The following COL4A6 variants were observed in gnomAD, a reference collection of about 807,000 sequenced individuals.
The protein encoded by COL4A6 is collagen alpha-6(IV) chain.
In COL4A6, 59 loss-of-function variants were observed where a neutral mutation model predicts 126.7. The observed-to-expected ratio is 0.47, with a 90% CI of 0.38 to 0.58. The LOEUF is 0.58. Among genes scored for constraint, COL4A6 ranks in the 20% least tolerant of loss-of-function variants. The pLI is 0.00. For missense variants in COL4A6, 1,285 were observed against 1,337.3 expected (o/e 0.96, Z 0.61); for synonymous variants, 547 against 496.6 (o/e 1.10, Z -1.35).
intron 3 of COL4A6, among the ~76,000 whole-genome samples, chrX:108,287,732 T>C (rs1307830651): frequency 5.4e-5 from 6 of 111,665 alleles, no homozygotes; most frequent in African/African-American, 1.6e-4. Context: ...ACTCCAAATA[T>C]CTCCGGAGTT....
chrX:108,262,281 C>A (rs1459007315), intron 3 of COL4A6, among the ~76,000 whole-genome samples: 1 of 111,408 alleles, frequency 9.0e-6, no homozygotes, highest in East Asian at 2.8e-4. Flanking sequence ...CCCTAGTTCA[C>A]TGTCCTCCCA....
rs751136731 is a variant in COL4A6 at position 108,183,017 on chromosome X, A to G, written c.1952-2049T>C. Among the ~76,000 whole-genome samples the G allele has an allele frequency of 2.3e-3, 262 of 112,363 alleles. 1 individual carries two copies. Among genetic ancestry groups the G allele is most frequent in the Non-Finnish European group, 2.4e-3 (129 of 53,276 alleles). On this transcript the variant is annotated intron_variant, in intron 23 of 44. Transcript: ENST00000334504. ...TTAGAAACCAGAGGAAATCAACGAC[A>G]TATTTCTCTCAATAATTTTGTCTTA...
chrX:108,193,822 G>C, intron 16 of COL4A6, 125 bp from the exon 17 acceptor site: 1 of 510,697 alleles, frequency 2.0e-6, no homozygotes, highest in Non-Finnish European at 3.3e-6. Flanking sequence ...AGATTTTCAA[G>C]ATCAACTAGT....
intron 3 of COL4A6, among the ~76,000 whole-genome samples, chrX:108,248,351 T>C (rs1490622398): frequency 9.0e-6 from 1 of 111,504 alleles, no homozygotes; most frequent in Non-Finnish European, 1.9e-5. Flanking sequence ...CACTCTGTGG[T>C]CTGAAGCTAT....
At position 108,423,792 on chromosome X, in the gene COL4A6, C is replaced by G. The variant is rs1241855767; in HGVS notation, c.63+14150G>C. ...ATATATCTAACATAGATATACTTACCAAGAGTCTACAATCTATCTTTTTAT... is the reference window on the plus strand; with the variant it reads ...ATATATCTAACATAGATATACTTACGAAGAGTCTACAATCTATCTTTTTAT... On this transcript the variant is annotated intron_variant, in intron 2 of 44. Transcript: ENST00000334504. 3.6e-5 allele frequency among the ~76,000 whole-genome samples: 4 copies of G among 111,339 alleles called. No homozygotes were observed. The Admixed American group carries it at 3.8e-4, about 11-fold the overall frequency.
At chrX:108,357,331 C>G (rs2039983056) in intron 2 of COL4A6, among the ~76,000 whole-genome samples, 1 of 111,467 alleles carries the variant, frequency 9.0e-6, no homozygotes, top group Non-Finnish European at 1.9e-5. Context: ...TCTCTGCTTA[C>G]TATTTCACAG....
intron 2 of COL4A6, among the ~76,000 whole-genome samples, chrX:108,371,759 T>C (rs763768516): frequency 1.1e-5 from 1 of 91,449 alleles, no homozygotes; most frequent in Non-Finnish European, 2.1e-5. Context: ...CCTTTCTCAA[T>C]AAACAAACAA....
At chrX:108,434,498 T>G (rs971610018) in intron 2 of COL4A6, among the ~76,000 whole-genome samples, 1 of 110,483 alleles carries the variant, frequency 9.1e-6, no homozygotes, top group African/African-American at 3.3e-5. Flanking sequence ...ATAAAATACA[T>G]AGGATTACAA....
At chrX:108,183,635 C>T (rs1262331820) in intron 23 of COL4A6, 2 of 639,092 alleles carry the variant, frequency 3.1e-6, no homozygotes, top group East Asian at 4.4e-5. Flanking sequence ...CTCAGGCCAT[C>T]GTGACTGTCT....
At chrX:108,274,996 A>C (rs915598815) in intron 3 of COL4A6, among the ~76,000 whole-genome samples, 1 of 111,196 alleles carries the variant, frequency 9.0e-6, no homozygotes, top group Non-Finnish European at 1.9e-5. Flanking sequence ...CGGGGGTGGG[A>C]GTCTTAGAAT....
intron 3 of COL4A6, among the ~76,000 whole-genome samples, chrX:108,247,165 A>C (rs901124471): frequency 2.7e-5 from 3 of 110,606 alleles, no homozygotes; most frequent in Non-Finnish European, 5.7e-5. Flanking sequence ...GCTCACAGGC[A>C]TAGATTCTGG....
At chrX:108,413,847 T>C (rs2041379341) in intron 2 of COL4A6, among the ~76,000 whole-genome samples, 1 of 111,925 alleles carries the variant, frequency 8.9e-6, no homozygotes, top group Non-Finnish European at 1.9e-5. Flanking sequence ...AGACACAGTG[T>C]GGATAATATC....
intron 2 of COL4A6, among the ~76,000 whole-genome samples, chrX:108,403,589 AAATGCGTTGTTC>A (rs1158750034): frequency 6.3e-5 from 7 of 111,015 alleles, no homozygotes; most frequent in African/African-American, 1.6e-4. Context: ...TTATTTTAAT[AAATGCGTTGTTC>A]AATTCTAGAA....
rs2035006392 is a variant in COL4A6 at position 108,190,509 on chromosome X, A to G, written c.1322-13T>C. 1 of 1,120,299 alleles carries G rather than the reference A, an allele frequency of 8.9e-7. No homozygotes were observed. Among genetic ancestry groups the G allele is most frequent in the Non-Finnish European group, 1.2e-6 (1 of 817,023 alleles). The allele number at this position is 1,120,299 out of a possible 1,213,427, so 92.3% of individuals were successfully genotyped here. On this transcript the variant is annotated splice_polypyrimidine_tract_variant and intron_variant, in intron 19 of 44. Transcript: ENST00000334504. ...TCAAATTCTGGACCTTTGGGTAAAA[A>G]AAAGATAAAGGATTAGCAACTTGTA... is the stretch of plus-strand genomic sequence containing the variant.
intron 24 of COL4A6, 98 bp downstream of exon 24, chrX:108,180,799 A>T (rs2034660376): frequency 1.1e-6 from 1 of 933,175 alleles, no homozygotes. Context: ...CCTCAGGAGG[A>T]ATGTGGATCC....
chrX:108,392,519 T>G (rs184448110), intron 2 of COL4A6, among the ~76,000 whole-genome samples: 80 of 109,717 alleles, frequency 7.3e-4, no homozygotes, highest in Middle Eastern at 4.8e-3. Context: ...CATGAGAAGA[T>G]GCTCAATATC....
chrX:108,343,161 A>AG (rs1465580768), intron 2 of COL4A6, among the ~76,000 whole-genome samples: 2,786 of 55,172 alleles, frequency 0.05, 64 homozygotes, highest in Non-Finnish European at 0.055. Flanking sequence ...ATATATATAT[A>AG]TATAGTGTGT....
chrX:108,183,853 G>T, intron 23 of COL4A6: 1 of 578,324 alleles, frequency 1.7e-6, no homozygotes, highest in Non-Finnish European at 2.3e-6. Flanking sequence ...CAGCAGCCCA[G>T]ATATGCCCAC....
chrX:108,181,877 C>A (rs1018822328), intron 23 of COL4A6, among the ~76,000 whole-genome samples: 1 of 112,116 alleles, frequency 8.9e-6, no homozygotes, highest in African/African-American at 3.2e-5. Context: ...TTAAAACAAT[C>A]CCCCAAGGTC....
Sources: allele counts gnomAD v4.1 joint callset (sites outside exome capture counted in the v4.1 genomes callset), GRCh38; gene constraint gnomAD v4.1.1; transcripts MANE v1.5; gene names NCBI Gene and HGNC (gene_info 2026-07-23, HGNC 2026-07-21).